ARHGAP29: variants seen among roughly 807,000 people sequenced by gnomAD.
ARHGAP29 encodes Rho GTPase activating protein 29.
A neutral mutation model predicts 122.6 loss-of-function variants in ARHGAP29; 43 were observed. That is an observed-to-expected ratio of 0.35 (90% CI 0.27 to 0.45). ARHGAP29 has a LOEUF of 0.45. Among genes scored for constraint, ARHGAP29 ranks in the 20% least tolerant of loss-of-function variants. ARHGAP29 has a pLI of 1.00. For missense variants in ARHGAP29, 1,303 were observed against 1,477.2 expected, an observed-to-expected ratio of 0.88 and a Z score of 1.93; for synonymous variants, 506 against 497.1, an observed-to-expected ratio of 1.02 and a Z score of -0.24.
At chr1:94,275,501 G>A (rs1655148775), upstream of ARHGAP29, among the ~76,000 whole-genome samples, 1 of 152,172 alleles carries the variant, frequency 6.6e-6, no homozygotes, top group South Asian at 2.1e-4. Flanking sequence ...TTGGATGGAT[G>A]ATGCCTGTAT....
the ARHGAP29 span, among the ~76,000 whole-genome samples, chr1:94,303,668 G>A: frequency 1.3e-5 from 2 of 152,182 alleles, no homozygotes; most frequent in African/African-American, 4.8e-5. Flanking sequence ...TGAATACATA[G>A]TAAGTGCTCA....
chr1:94,258,611 C>G (rs1450575532), intron 1 of ARHGAP29, among the ~76,000 whole-genome samples: 1 of 152,160 alleles, frequency 6.6e-6, no homozygotes, highest in African/African-American at 2.4e-5. Flanking sequence ...CAGTGGTAAT[C>G]AGGGAAGGGT....
At chr1:94,257,862 T>C (rs992535992) in intron 1 of ARHGAP29, among the ~76,000 whole-genome samples, 1 of 152,204 alleles carries the variant, frequency 6.6e-6, no homozygotes, top group African/African-American at 2.4e-5. Context: ...AGGTAGTCTG[T>C]GCCCTATTGG....
intron 15 of ARHGAP29, among the ~76,000 whole-genome samples, chr1:94,187,306 G>C (rs1311627668): frequency 2.0e-5 from 3 of 152,162 alleles, no homozygotes; most frequent in Admixed American, 2.0e-4. Flanking sequence ...CAAATTCAGA[G>C]TTAGAAAAGC....
intron 1 of ARHGAP29, among the ~76,000 whole-genome samples, chr1:94,269,436 T>C (rs1654905871): frequency 1.3e-5 from 2 of 152,146 alleles, no homozygotes; most frequent in Non-Finnish European, 1.5e-5. Flanking sequence ...TAATAGTCTG[T>C]AAGTAATCTA....
At chr1:94,295,716 C>CTCCACACAATATGGAATCTTCTAAT in the ARHGAP29 span, among the ~76,000 whole-genome samples, 14 of 88,042 alleles carry the variant, frequency 1.6e-4, no homozygotes, top group South Asian at 7.2e-3. Flanking sequence ...GGAATTCTAA[C>CTCCACACAATATGGAATCTTCTAAT]TCCACACAAT....
chr1:94,208,989 T>C (rs1042872145), intron 4 of ARHGAP29, 85 bp from the exon 5 acceptor site: 2 of 1,298,428 alleles, frequency 1.5e-6, no homozygotes, highest in East Asian at 4.9e-5. Context: ...TCTAAAATAA[T>C]TTTTTAAAAA....
intron 1 of ARHGAP29, among the ~76,000 whole-genome samples, chr1:94,236,755 T>C (rs1653296029): frequency 6.6e-6 from 1 of 151,934 alleles, no homozygotes; most frequent in Non-Finnish European, 1.5e-5. Context: ...CCTCTGAGAC[T>C]GAGGAAAACT....
chr1:94,205,500 A>G (rs558617906), intron 6 of ARHGAP29, 135 bp downstream of exon 6: 1 of 812,826 alleles, frequency 1.2e-6, no homozygotes, highest in South Asian at 1.9e-5. Flanking sequence ...TAAGCTCTAT[A>G]TGTAAAACTT....
chr1:94,169,097 T>A lies in ARHGAP29; in HGVS notation c.*4772A>T, dbSNP rs1441094856. On this transcript the variant is annotated 3_prime_UTR_variant, in exon 23 of 23. Transcript: ENST00000260526. ...AATTCAATATTTTCTATAAATTTCA[T>A]AAATGTCTATGTTTAAACATTCCTG... Among the ~76,000 whole-genome samples the A allele has an allele frequency of 6.6e-6, 1 of 152,236 alleles. No individual in the cohort carries two copies. Among genetic ancestry groups the A allele is most frequent in the African/African-American group, 2.4e-5 (1 of 41,474 alleles).
the ARHGAP29 span, among the ~76,000 whole-genome samples, chr1:94,284,302 TTA>T: frequency 1.3e-5 from 2 of 152,244 alleles, no homozygotes; most frequent in African/African-American, 4.8e-5. Context: ...TCCTGACAGA[TTA>T]CAATGTGCCA....
chr1:94,289,603 A>G, the ARHGAP29 span, among the ~76,000 whole-genome samples: 1 of 152,206 alleles, frequency 6.6e-6, no homozygotes, highest in East Asian at 1.9e-4. Flanking sequence ...GTTTTTGCCC[A>G]TTCAGTATGA....
intron 1 of ARHGAP29, among the ~76,000 whole-genome samples, chr1:94,251,129 T>G (rs1024450905): frequency 3.9e-5 from 6 of 152,166 alleles, no homozygotes; most frequent in Admixed American, 2.6e-4. Flanking sequence ...TCATAAATTA[T>G]TCAGTCCTCA....
intron 12 of ARHGAP29, 112 bp downstream of exon 12, chr1:94,201,608 A>C: frequency 2.2e-6 from 3 of 1,336,622 alleles, no homozygotes; most frequent in Non-Finnish European, 3.1e-6. Context: ...TTTGGGCTCA[A>C]GTGATCCTCC....
the ARHGAP29 span, among the ~76,000 whole-genome samples, chr1:94,309,444 C>T: frequency 1.3e-5 from 2 of 152,326 alleles, no homozygotes; most frequent in East Asian, 3.9e-4. Flanking sequence ...AAGTGCTCTT[C>T]CTCGCTTATC....
the ARHGAP29 span, among the ~76,000 whole-genome samples, chr1:94,288,634 C>T: frequency 1.3e-5 from 2 of 151,954 alleles, no homozygotes; most frequent in Non-Finnish European, 2.9e-5. Flanking sequence ...GTTTTAGGTA[C>T]TACATTTAAG....
intron 19 of ARHGAP29, among the ~76,000 whole-genome samples, chr1:94,183,245 T>G (rs142660966): frequency 6.6e-6 from 1 of 152,296 alleles, no homozygotes; most frequent in African/African-American, 2.4e-5. Context: ...GCAACAGAAC[T>G]GCAGAGATTG....
Position 94,203,085 on chromosome 1 carries a change from T to G in ARHGAP29, c.873+15A>C. The G allele has an allele frequency of 6.2e-7, 1 of 1,601,186 alleles. No individual in the cohort carries two copies. The highest frequency in any genetic ancestry group is 1.1e-5 in the South Asian group (1 of 88,336). On this transcript the variant is annotated intron_variant, in intron 9 of 22. Transcript: ENST00000260526. ...TAAAAATAAAAGTGCATTATACATA[T>G]AAATTAATCTTTACCTGCACAAATT...
chr1:94,201,004 A>G (rs969544921), intron 12 of ARHGAP29, among the ~76,000 whole-genome samples: 30 of 152,350 alleles, frequency 2.0e-4, no homozygotes, highest in African/African-American at 7.2e-4. Flanking sequence ...TGGACTATAC[A>G]TGAAAAAAAG....
Sources: allele counts gnomAD v4.1 joint callset (sites outside exome capture counted in the v4.1 genomes callset), GRCh38; gene constraint gnomAD v4.1.1; transcripts MANE v1.5; gene names NCBI Gene and HGNC (gene_info 2026-07-23, HGNC 2026-07-21).